Variants in TRAK1 observed in about 807,000 individuals in gnomAD.
TRAK1 encodes trafficking kinesin protein 1, also known as trafficking kinesin-binding protein 1.
A neutral mutation model predicts 92.1 loss-of-function variants in TRAK1; 33 were observed. The observed-to-expected ratio is 0.36, with a 90% CI of 0.27 to 0.48. The LOEUF (loss-of-function observed/expected upper bound fraction) is 0.48, where lower values mean the gene tolerates loss of function less well. Among genes scored for constraint, TRAK1 ranks in the 20% least tolerant of loss-of-function variants. The probability of loss-of-function intolerance (pLI) is 0.99; values close to 1 mark genes in which losing one functional copy is unlikely to be tolerated. For synonymous variants in TRAK1, 521 were observed against 517.3 expected (o/e 1.01, Z -0.10); for missense variants, 1,123 against 1,257.9 (o/e 0.89, Z 1.62).
intron 15 of TRAK1, chr3:42,220,593 T>G (rs1577073531): frequency 1.0e-6 from 1 of 985,012 alleles, no homozygotes; most frequent in Non-Finnish European, 1.2e-6. Flanking sequence ...AGGCAGGGGG[T>G]GAGCACACCG....
At chr3:42,176,660 G>A (rs1703256300) in intron 2 of TRAK1, among the ~76,000 whole-genome samples, 154 bp from the exon 3 acceptor site, 1 of 152,232 alleles carries the variant, frequency 6.6e-6, no homozygotes, top group African/African-American at 2.4e-5. Flanking sequence ...ATGAAGTCTG[G>A]TGGTGGTGAG....
Position 42,224,225 on chromosome 3 carries a change from C to T in TRAK1, c.*488C>T. 2 of 369,956 alleles carry T rather than the reference C, an allele frequency of 5.4e-6. No individual in the cohort carries two copies. Among genetic ancestry groups the T allele is most frequent in the Middle Eastern group, 6.4e-4 (1 of 1,564 alleles). The allele number at this position is 369,956 out of a possible 1,614,324, so 22.9% of individuals were successfully genotyped here. ...TAGGAGCGTAAGGAGCCTCCATCCT[C>T]AGCCACGTGCAGCTGACGTGGCTTT... is the stretch of plus-strand genomic sequence containing the variant. On this transcript the variant is annotated 3_prime_UTR_variant, in exon 16 of 16. Coordinates refer to ENST00000327628, the MANE Select transcript of TRAK1 (RefSeq NM_001042646.3).
At chr3:42,110,405 A>G (rs1444440898) in intron 1 of TRAK1, among the ~76,000 whole-genome samples, 1 of 152,006 alleles carries the variant, frequency 6.6e-6, no homozygotes, top group Admixed American at 6.6e-5. Context: ...GAGCCATGCA[A>G]GGCTGAGGTG....
intron 1 of TRAK1, among the ~76,000 whole-genome samples, chr3:42,093,466 A>T (rs1705389857): frequency 6.6e-6 from 1 of 151,960 alleles, no homozygotes; most frequent in Non-Finnish European, 1.5e-5. Flanking sequence ...TTTTGACATA[A>T]ATTGTGAAAT....
chr3:42,134,273 T>A (rs941962024), intron 2 of TRAK1, among the ~76,000 whole-genome samples: 1 of 146,586 alleles, frequency 6.8e-6, no homozygotes, highest in Admixed American at 6.8e-5. Context: ...TTACCTTTCC[T>A]TTCCTTTTAC....
chr3:42,173,020 C>T (rs976346264), intron 2 of TRAK1, among the ~76,000 whole-genome samples: 2 of 152,010 alleles, frequency 1.3e-5, no homozygotes, highest in African/African-American at 2.4e-5. Context: ...GTGGCAGGCA[C>T]CTGTAATCCC....
intron 13 of TRAK1, among the ~76,000 whole-genome samples, chr3:42,204,916 T>C (rs1331559539): frequency 6.6e-6 from 1 of 152,160 alleles, no homozygotes; most frequent in Non-Finnish European, 1.5e-5. Context: ...GTATTTTCTT[T>C]TTTCCCTCCC....
Position 42,223,663 on chromosome 3 carries a change from A to T in TRAK1, c.2788A>T (p.Met930Leu), listed in dbSNP as rs767716519. 3 of 1,614,044 alleles carry T rather than the reference A, an allele frequency of 1.9e-6. No homozygotes were observed. In the South Asian group the frequency reaches 3.3e-5, roughly 18 times the overall value. The change falls in exon 16 of 16, where the codon ATG (methionine) becomes TTG (leucine). Residue 930 changes from methionine to leucine, a missense_variant. Coordinates refer to ENST00000327628, the MANE Select transcript of TRAK1 (RefSeq NM_001042646.3). This position sits in a 1 kb window ranked among gnomAD's most constrained non-coding sequence, Gnocchi z 6.1. The stretch of plus-strand genomic sequence containing the variant: ...CACCATGGTGGGATCTAGCATGCAG[A>T]TGAAAGCTCCTGTGACTCTCACCTC... ...FPTMVGSSMQMKAPVTLTSGI... is the reference protein window; with the variant it reads ...FPTMVGSSMQLKAPVTLTSGI...
At chr3:42,101,568 GT>G (rs761798999) in intron 1 of TRAK1, among the ~76,000 whole-genome samples, 69 of 152,208 alleles carry the variant, frequency 4.5e-4, no homozygotes, top group Non-Finnish European at 9.3e-4. Context: ...GCAAACTCCT[GT>G]AAAGGGCCAG....
intron 2 of TRAK1, among the ~76,000 whole-genome samples, chr3:42,170,824 CTTTTTTTTT>C (rs772908047): frequency 1.4e-5 from 2 of 139,654 alleles, no homozygotes; most frequent in Admixed American, 1.5e-4. Context: ...TCTTGAATAT[CTTTTTTTTT>C]TTTTTTTTGA....
At chr3:42,121,551 G>T (rs58280347) in intron 1 of TRAK1, among the ~76,000 whole-genome samples, 3,228 of 152,222 alleles carry the variant, frequency 0.021, 120 homozygotes, top group African/African-American at 0.073. Context: ...GAGCCACTGC[G>T]CCTGGCCTCC....
intron 1 of TRAK1, among the ~76,000 whole-genome samples, chr3:42,021,549 G>A (rs536834857): frequency 2.6e-5 from 4 of 152,176 alleles, no homozygotes; most frequent in East Asian, 1.9e-4. Flanking sequence ...AGGCAGCTTC[G>A]GAATCATTAC....
chr3:42,199,183 T>C lies in TRAK1; in HGVS notation c.1120T>C (p.Leu374=). The change falls in exon 11 of 16, where the codon TTG becomes CTG. Residue 374 remains leucine, a synonymous_variant. Coordinates refer to ENST00000327628, the MANE Select transcript of TRAK1 (RefSeq NM_001042646.3). ...HSLGLFPMDS[L]AAEIEGTMRK... is the part of the protein sequence containing the mutation. The stretch of plus-strand genomic sequence containing the variant: ...TCTTTCTGGCTTTTCCCAGGATTCC[T>C]TGGCAGCAGAGATTGAGGGAACGAT... 6.2e-7 allele frequency: 1 copy of C among 1,613,542 alleles called. No individual in the cohort carries two copies. Among genetic ancestry groups the C allele is most frequent in the South Asian group, 1.1e-5 (1 of 91,040 alleles).
intron 2 of TRAK1, among the ~76,000 whole-genome samples, chr3:42,164,259 A>G (rs867509325): frequency 6.6e-6 from 1 of 152,212 alleles, no homozygotes; most frequent in Non-Finnish European, 1.5e-5. Context: ...TACATTGTCA[A>G]CTTGCCTAAA....
intron 14 of TRAK1, chr3:42,217,836 T>C: frequency 2.0e-6 from 2 of 985,442 alleles, no homozygotes; most frequent in Non-Finnish European, 2.4e-6. Flanking sequence ...TTTGGTTGCC[T>C]TCTCTTCATA....
rs1553701575 is a variant in TRAK1, at chr3:42,030,372, A to AATATATAT, written c.-519+16266_-519+16273dup. Among the ~76,000 whole-genome samples, 93 of 132,318 alleles carry AATATATAT rather than the reference A, an allele frequency of 7.0e-4. 1 individual carries two copies. Among genetic ancestry groups the AATATATAT allele is most frequent in the East Asian group, 2.3e-3 (10 of 4,444 alleles). 86.8% of individuals were successfully genotyped at this position (132,318 alleles called of 152,430 possible). On this transcript the variant is annotated intron_variant, in intron 1 of 16. Transcript: ENST00000487159. ...GCGAGACCCTGTCTCTAAAAAAAAA[A>AATATATAT]ATATATATATATATATATGGCCGGG...
chr3:42,177,439 A>G (rs1213690666), intron 3 of TRAK1, among the ~76,000 whole-genome samples: 1 of 152,260 alleles, frequency 6.6e-6, no homozygotes, highest in East Asian at 1.9e-4. Context: ...GGTCTCTAGA[A>G]ACAGATGAGT....
intron 1 of TRAK1, among the ~76,000 whole-genome samples, chr3:42,079,352 G>A (rs1245465926): frequency 6.6e-6 from 1 of 152,130 alleles, no homozygotes; most frequent in Non-Finnish European, 1.5e-5. Context: ...CAGGTACCTG[G>A]CTGGCCATGG....
intron 1 of TRAK1, among the ~76,000 whole-genome samples, chr3:42,054,001 G>T (rs2148917190): frequency 6.6e-6 from 1 of 152,246 alleles, no homozygotes; most frequent in East Asian, 1.9e-4. Flanking sequence ...AATCTTCCCT[G>T]TTTCCTAAGA....
Sources: gnomAD v4.1 joint callset for allele counts (sites outside exome capture counted in the v4.1 genomes callset) on GRCh38, gnomAD v4.1.1 for gene constraint, Gnocchi (gnomAD v3.1) non-coding constraint, MANE v1.5 for transcripts, NCBI Gene and HGNC (gene_info 2026-07-23, HGNC 2026-07-21) for gene names.